Variants in TET3 observed in about 807,000 individuals in gnomAD.
The protein encoded by TET3 is tet methylcytosine dioxygenase 3.
Under a neutral mutation model 141.4 loss-of-function variants are expected in TET3, and 19 were observed. That is an observed-to-expected ratio of 0.13 (90% CI 0.09 to 0.20). The LOEUF is 0.20. Ranked by LOEUF, TET3 falls within the 10% of genes least tolerant of loss-of-function variation. The pLI is 1.00. For synonymous variants in TET3, 1,043 were observed against 980.9 expected, an observed-to-expected ratio of 1.06 and a Z score of -1.18; for missense variants, 1,874 against 2,356.9, an observed-to-expected ratio of 0.80 and a Z score of 4.24.
chr2:74,012,383 C>T (rs1435579146), intron 3 of TET3, among the ~76,000 whole-genome samples: 1 of 152,084 alleles, frequency 6.6e-6, no homozygotes, highest in Admixed American at 6.6e-5. Flanking sequence ...AGCACACTTT[C>T]CTCTGTGTAA....
At chr2:74,048,481 C>T (rs1462753076) in intron 4 of TET3, 70 bp downstream of exon 4, 1 of 1,469,920 alleles carries the variant, frequency 6.8e-7, no homozygotes, top group African/African-American at 1.4e-5. Context: ...ATTTCTAGGC[C>T]CTGCCTTTCA....
intron 4 of TET3, among the ~76,000 whole-genome samples, chr2:74,050,867 G>GA (rs773063205): frequency 7.9e-4 from 113 of 143,240 alleles, no homozygotes; most frequent in East Asian, 4.8e-3. Flanking sequence ...TTTACTTAAG[G>GA]AAAAAAAAAA....
intron 2 of TET3, among the ~76,000 whole-genome samples, chr2:73,999,672 G>T (rs553964809): frequency 6.6e-6 from 1 of 152,302 alleles, no homozygotes; most frequent in African/African-American, 2.4e-5. Flanking sequence ...GATAGAAGAT[G>T]GGGAGGGGAG....
At chr2:74,049,700 T>G (rs188988604) in intron 4 of TET3, among the ~76,000 whole-genome samples, 6 of 152,254 alleles carry the variant, frequency 3.9e-5, no homozygotes, top group Admixed American at 3.9e-4. Flanking sequence ...CTTGCTGGGA[T>G]GTTGTTTCCC....
chr2:74,089,851 G>C, intron 7 of TET3, 46 bp from the exon 8 acceptor site: 1 of 1,605,462 alleles, frequency 6.2e-7, no homozygotes, highest in Non-Finnish European at 8.5e-7. Context: ...ACTCCAGAAC[G>C]AAGGGATATT....
the TET3 span, chr2:74,120,749 A>G: frequency 6.6e-6 from 1 of 152,452 alleles, no homozygotes; most frequent in Admixed American, 6.5e-5. Context: ...CTGCCAAGGA[A>G]AGGACTGAGA....
chr2:73,989,552 G>A (rs1443268332), intron 2 of TET3, among the ~76,000 whole-genome samples: 1 of 152,084 alleles, frequency 6.6e-6, no homozygotes, highest in Non-Finnish European at 1.5e-5. Context: ...GTGGGGAGAA[G>A]GGTGCAGGGG....
At chr2:73,994,630 CTTTCTTTCT>C (rs1558693797) in intron 2 of TET3, among the ~76,000 whole-genome samples, 1 of 131,244 alleles carries the variant, frequency 7.6e-6, no homozygotes, top group Non-Finnish European at 1.5e-5. Context: ...TTCTTTCTTT[CTTTCTTTCT>C]TTTTTTTTTT....
the TET3 span, among the ~76,000 whole-genome samples, chr2:74,118,112 A>G: frequency 6.6e-6 from 1 of 152,262 alleles, no homozygotes; most frequent in African/African-American, 2.4e-5. Context: ...TGTGACGCTA[A>G]TCATCTCCAC....
chr2:74,012,261 C>T (rs938243762), intron 3 of TET3, among the ~76,000 whole-genome samples: 1 of 152,206 alleles, frequency 6.6e-6, no homozygotes, highest in African/African-American at 2.4e-5. Flanking sequence ...CATGAGCCAC[C>T]TCCTCAGGCC....
chr2:74,065,980 A>G (rs938468811), intron 4 of TET3, among the ~76,000 whole-genome samples: 8 of 152,010 alleles, frequency 5.3e-5, no homozygotes, highest in African/African-American at 1.9e-4. Context: ...AATGGTCTCG[A>G]TCTCCTGACC....
chr2:73,983,759 G>T (rs913289771), upstream of TET3, among the ~76,000 whole-genome samples: 1 of 152,246 alleles, frequency 6.6e-6, no homozygotes, highest in Non-Finnish European at 1.5e-5. Flanking sequence ...GGCTCCGTGA[G>T]CACCGCCCAA....
chr2:74,038,249 G>A (rs145505134), intron 3 of TET3, among the ~76,000 whole-genome samples: 20 of 152,300 alleles, frequency 1.3e-4, no homozygotes, highest in African/African-American at 4.8e-4. Flanking sequence ...ATGGAGTGTA[G>A]TGAAGAGTTA....
the TET3 span, among the ~76,000 whole-genome samples, chr2:74,132,374 C>T: frequency 3.9e-5 from 6 of 152,146 alleles, no homozygotes; most frequent in Admixed American, 3.3e-4. Flanking sequence ...GTCCTGGGGA[C>T]TTGAAAACAA....
intron 4 of TET3, among the ~76,000 whole-genome samples, chr2:74,071,057 C>A (rs986552894): frequency 1.3e-5 from 2 of 152,176 alleles, no homozygotes. Context: ...ATGCTAAGAT[C>A]AAGGCACCAG....
At chr2:74,003,519 A>G (rs1684981506) in intron 3 of TET3, among the ~76,000 whole-genome samples, 1 of 107,850 alleles carries the variant, frequency 9.3e-6, no homozygotes, top group Non-Finnish European at 1.7e-5. Flanking sequence ...GTTGGTTTGC[A>G]TCCAATCTGC....
At chr2:74,003,649 G>A (rs1441538465) in intron 3 of TET3, among the ~76,000 whole-genome samples, 1 of 151,510 alleles carries the variant, frequency 6.6e-6, no homozygotes, top group Non-Finnish European at 1.5e-5. Context: ...CTGTCACCAT[G>A]GAGATGGCTG....
At chr2:74,010,904 A>C (rs970578602) in intron 3 of TET3, among the ~76,000 whole-genome samples, 2 of 152,226 alleles carry the variant, frequency 1.3e-5, no homozygotes, top group Non-Finnish European at 2.9e-5. Flanking sequence ...AACTATAGCA[A>C]ATGATAGAAA....
chr2:74,119,417 T>C, the TET3 span, among the ~76,000 whole-genome samples: 1 of 152,148 alleles, frequency 6.6e-6, no homozygotes, highest in Non-Finnish European at 1.5e-5. Flanking sequence ...TTGCAGAATG[T>C]TCCTCAATTT....
Sources: gnomAD v4.1 joint callset for allele counts (sites outside exome capture counted in the v4.1 genomes callset) on GRCh38, gnomAD v4.1.1 for gene constraint, MANE v1.5 for transcripts, NCBI Gene and HGNC (gene_info 2026-07-23, HGNC 2026-07-21) for gene names.